PPL: variants seen among roughly 807,000 people sequenced by gnomAD.
PPL encodes the protein 190 kDa paraneoplastic pemphigus antigen.
In PPL, 198 loss-of-function variants were observed where a neutral mutation model predicts 194.4. The ratio of observed to expected loss-of-function variants is 1.02; its 90% confidence interval spans 0.91 to 1.15. The LOEUF (loss-of-function observed/expected upper bound fraction) is 1.15, where lower values mean the gene tolerates loss of function less well. PPL is among the 50% of genes most tolerant of loss of function. The probability of loss-of-function intolerance (pLI) is 0.00; values close to 1 mark genes in which losing one functional copy is unlikely to be tolerated. For missense variants in PPL, 2,885 were observed against 2,294.8 expected, an observed-to-expected ratio of 1.26 and a Z score of -5.25; for synonymous variants, 1,220 against 972.4, an observed-to-expected ratio of 1.25 and a Z score of -4.74.
rs1214088587 is a variant in PPL at position 4,902,141 on chromosome 16, G to T, written c.438+265C>A. Reference sequence around the variant, plus strand: ...CCAAGACCCCAACATGCCAGGGTTGGAAAGTGGGACCCAGGAGCAGCAGCG... The same window carrying T: ...CCAAGACCCCAACATGCCAGGGTTGTAAAGTGGGACCCAGGAGCAGCAGCG... On this transcript the variant is annotated intron_variant, in intron 4 of 21. Coordinates refer to ENST00000345988, the MANE Select transcript of PPL (RefSeq NM_002705.5). This position sits in a 1 kb window ranked among gnomAD's most constrained non-coding sequence, Gnocchi z 4.0. Among the ~76,000 whole-genome samples the T allele has an allele frequency of 1.3e-5, 2 of 152,158 alleles. No homozygotes were observed. The highest frequency in any genetic ancestry group is 2.9e-5 in the Non-Finnish European group (2 of 68,034).
intron 2 of PPL, among the ~76,000 whole-genome samples, chr16:4,908,162 CAAAAAAAA>C (rs55889324): frequency 1.4e-5 from 1 of 73,260 alleles, no homozygotes; most frequent in Non-Finnish European, 2.8e-5. Context: ...AGACTGTCTC[CAAAAAAAA>C]AAAAAAAAAA....
chr16:4,913,480 T>C (rs1293404184), intron 1 of PPL, among the ~76,000 whole-genome samples: 1 of 152,216 alleles, frequency 6.6e-6, no homozygotes, highest in Non-Finnish European at 1.5e-5. Flanking sequence ...GGGCACAGAA[T>C]AAGTCTGAAC....
At chr16:4,890,474 AT>A in intron 17 of PPL, 140 bp from the exon 18 acceptor site, 1 of 1,187,656 alleles carries the variant, frequency 8.4e-7, no homozygotes, top group Non-Finnish European at 1.1e-6. Flanking sequence ...GTGGGTGGTC[AT>A]TAGGGAACGT....
intron 2 of PPL, among the ~76,000 whole-genome samples, chr16:4,908,982 A>G (rs561674210): frequency 6.6e-6 from 1 of 152,346 alleles, no homozygotes; most frequent in African/African-American, 2.4e-5. Context: ...ATCCACCACC[A>G]CAGGGGGCCT....
chr16:4,893,033 T>G, intron 14 of PPL, 180 bp downstream of exon 14: 5 of 726,682 alleles, frequency 6.9e-6, no homozygotes, highest in Admixed American at 3.5e-5. Flanking sequence ...CCTGGGGAGG[T>G]AATGACAGCA....
intron 1 of PPL, among the ~76,000 whole-genome samples, chr16:4,936,421 G>C (rs937840339): frequency 6.6e-6 from 1 of 152,076 alleles, no homozygotes; most frequent in African/African-American, 2.4e-5. Flanking sequence ...GCGGCGGGTG[G>C]CCCGCCCCCT....
In PPL at chr16:4,888,975, C is replaced by G; in HGVS notation, c.2397+3G>C. The G allele has an allele frequency of 6.2e-7, 1 of 1,613,034 alleles. No individual in the cohort carries two copies. Among genetic ancestry groups the G allele is most frequent in the Non-Finnish European group, 8.5e-7 (1 of 1,179,786 alleles). On this transcript the variant is annotated splice_donor_region_variant and intron_variant, in intron 19 of 21. Coordinates refer to ENST00000345988, the MANE Select transcript of PPL (RefSeq NM_002705.5). ...TGCTTTGGGCGGAAGTTTCCCGGCT[C>G]ACCTTTACAGCTTGCTGGTACTGCT...
rs769737935 is a variant in PPL at position 4,895,621 on chromosome 16, C to T, written c.1068G>A (p.Gln356=). The change falls in exon 10 of 22, where the codon CAG becomes CAA. Residue 356 remains glutamine (Q), a synonymous_variant. Transcript: ENST00000345988. ...KYGPDFKDRY[Q]IELLLRELDD... ...CCAGCTCCCGCAGCAGCAGCTCAATCTGGTACCGGTCCTTGAAGTCAGGGC... is the reference window on the plus strand; with the variant it reads ...CCAGCTCCCGCAGCAGCAGCTCAATTTGGTACCGGTCCTTGAAGTCAGGGC... 1.2e-6 allele frequency: 2 copies of T among 1,613,944 alleles called. No homozygotes were observed. The highest frequency in any genetic ancestry group is 1.7e-6 in the Non-Finnish European group (2 of 1,180,040).
At chr16:4,918,924 T>A (rs1213690674) in intron 1 of PPL, among the ~76,000 whole-genome samples, 1 of 152,004 alleles carries the variant, frequency 6.6e-6, no homozygotes, top group Non-Finnish European at 1.5e-5. Flanking sequence ...TTCATCTCGG[T>A]AATGAGCCGC....
In PPL at chr16:4,888,094, G is replaced by C. The variant is rs749389951; in HGVS notation, c.2514+8C>G. 2 of 1,606,488 alleles carry C rather than the reference G, an allele frequency of 1.2e-6. No homozygotes were observed. The highest frequency in any genetic ancestry group is 4.5e-5 in the East Asian group (2 of 44,826). On this transcript the variant is annotated splice_region_variant and intron_variant, in intron 20 of 21. Coordinates refer to ENST00000345988, the MANE Select transcript of PPL (RefSeq NM_002705.5). ...CAGTCCCGAGGCCGCCTGGCCCATG[G>C]AACTCACCTCTTCCTTCACTTTGGT... is the stretch of plus-strand genomic sequence containing the variant.
chr16:4,898,997 C>G lies in PPL; in HGVS notation c.876+16G>C. ...AGCCACCCTGGGGGAGGTGTCTGGT[C>G]TCGGGGTGCATGAACCTCAATGGAG... On this transcript the variant is annotated intron_variant, in intron 8 of 21. Transcript: ENST00000345988. 6.2e-7 allele frequency: 1 copy of G among 1,610,542 alleles called. No homozygotes were observed. Among genetic ancestry groups the G allele is most frequent in the Non-Finnish European group, 8.5e-7 (1 of 1,177,634 alleles).
chr16:4,885,028 G>T lies in PPL; in HGVS notation c.3627C>A (p.Leu1209=), dbSNP rs773016482. Residue 1209 remains leucine, a synonymous_variant, in exon 22 of 22, where the codon CTC becomes CTA. Transcript: ENST00000345988. This position sits in a 1 kb window ranked among gnomAD's most constrained non-coding sequence, Gnocchi z 6.3. ...CCTCCAGCTCACTCTGGTAGCTCCG[G>T]AGCTGCTCCTCGGCACCCCGGTACT... is the stretch of plus-strand genomic sequence containing the variant. ...ERKYRGAEEQ[L]RSYQSELEAL... The T allele has an allele frequency of 1.9e-6, 3 of 1,613,740 alleles. No homozygotes were observed. The highest frequency in any genetic ancestry group is 1.7e-6 in the Non-Finnish European group (2 of 1,180,016).
intron 1 of PPL, among the ~76,000 whole-genome samples, chr16:4,919,704 A>C (rs1228528825): frequency 6.6e-6 from 1 of 151,528 alleles, no homozygotes; most frequent in African/African-American, 2.4e-5. Flanking sequence ...CTGAGGCAGG[A>C]GCATCTCTTG....
chr16:4,920,620 G>A (rs897624660), intron 1 of PPL, among the ~76,000 whole-genome samples: 5 of 152,028 alleles, frequency 3.3e-5, no homozygotes, highest in Admixed American at 6.6e-5. Context: ...ACGCCACCAT[G>A]CCTGGCTAAT....
chr16:4,910,389 C>T (rs1218393436), intron 2 of PPL, among the ~76,000 whole-genome samples: 1 of 152,158 alleles, frequency 6.6e-6, no homozygotes, highest in Non-Finnish European at 1.5e-5. Flanking sequence ...CTCCTGCCTG[C>T]TTAGAGAGAA....
intron 2 of PPL, among the ~76,000 whole-genome samples, chr16:4,905,159 C>T (rs986920858): frequency 1.3e-5 from 2 of 152,090 alleles, no homozygotes; most frequent in Non-Finnish European, 2.9e-5. Context: ...CAGAGCCGGC[C>T]GCCGGTCCCT....
In PPL at chr16:4,884,412, C is replaced by T; in HGVS notation, c.4243G>A (p.Glu1415Lys). Residue 1415 changes from glutamate (E) to lysine (K), a missense_variant, in exon 22 of 22, where the codon GAG becomes AAG. Coordinates refer to ENST00000345988, the MANE Select transcript of PPL (RefSeq NM_002705.5). The surrounding 1 kb of genome is among the most constrained non-coding windows in gnomAD (Gnocchi z 5.7). ...ELERERQARR[E>K]AEREVQRLQQ... ...AACCGCTGTACCTCGCGCTCGGCCT[C>T]CCTGCGGGCCTGCCGCTCGCGCTCT... 6.2e-7 allele frequency: 1 copy of T among 1,605,154 alleles called. No homozygotes were observed. Among genetic ancestry groups the T allele is most frequent in the South Asian group, 1.1e-5 (1 of 90,718 alleles).
At position 4,895,324 on chromosome 16, in the gene PPL, G is replaced by A; in HGVS notation, c.1179C>T (p.Tyr393=). The change falls in exon 11 of 22, where the codon TAC becomes TAT. Residue 393 remains tyrosine (Y), a synonymous_variant. Coordinates refer to ENST00000345988, the MANE Select transcript of PPL (RefSeq NM_002705.5). ...KRGQQVVPLK[Y]RRETPLKPIP... ...TGGGCTTGAGCGGAGTCTCCCGGCGGTACTTGAGGGGCACCACCTGCTGGC... is the reference window on the plus strand; with the variant it reads ...TGGGCTTGAGCGGAGTCTCCCGGCGATACTTGAGGGGCACCACCTGCTGGC... The A allele has an allele frequency of 1.9e-6, 3 of 1,613,348 alleles. No homozygotes were observed. The highest frequency in any genetic ancestry group is 2.5e-6 in the Non-Finnish European group (3 of 1,179,972).
In PPL at chr16:4,883,238, G is replaced by A; in HGVS notation, c.*146C>T. On this transcript the variant is annotated 3_prime_UTR_variant, in exon 22 of 22. Coordinates refer to ENST00000345988, the MANE Select transcript of PPL (RefSeq NM_002705.5). The surrounding 1 kb of genome is among the most constrained non-coding windows in gnomAD (Gnocchi z 4.8). ...TCAGCCAGTGCCTGTCTCATATGTG[G>A]GCGGGACTCTGAGCAGCCTGGCAGC... The A allele has an allele frequency of 1.9e-6, 2 of 1,077,218 alleles. No individual in the cohort carries two copies. Among genetic ancestry groups the A allele is most frequent in the Middle Eastern group, 3.1e-4 (1 of 3,266 alleles). The allele number at this position is 1,077,218 out of a possible 1,614,324, so 66.7% of individuals were successfully genotyped here. A position where few individuals can be genotyped will look rare whatever the true frequency, so the allele number is the denominator to read the frequency against.
Sources: gnomAD v4.1 joint callset for allele counts (sites outside exome capture counted in the v4.1 genomes callset) on GRCh38, gnomAD v4.1.1 for gene constraint, Gnocchi (gnomAD v3.1) non-coding constraint, MANE v1.5 for transcripts, NCBI Gene and HGNC (gene_info 2026-07-23, HGNC 2026-07-21) for gene names.